The following DPP10 variants were observed in gnomAD, a reference collection of about 807,000 sequenced individuals.
DPP10 encodes inactive dipeptidyl peptidase 10.
DPP10 carries 33 observed loss-of-function variants against 120.9 expected under a neutral mutation model. The observed-to-expected ratio is 0.27, with a 90% CI of 0.21 to 0.37. DPP10 has a LOEUF of 0.37. Ranked by LOEUF, DPP10 falls within the 10% of genes least tolerant of loss-of-function variation. The pLI is 1.00. For synonymous variants in DPP10, 337 were observed against 326.1 expected (o/e 1.03, Z -0.36); for missense variants, 816 against 942.8 (o/e 0.87, Z 1.76).
chr2:114,606,908 T>C (rs779021332), intron 1 of DPP10, among the ~76,000 whole-genome samples: 5 of 152,156 alleles, frequency 3.3e-5, no homozygotes, highest in African/African-American at 4.8e-5. Flanking sequence ...ACTCTATAAA[T>C]TGTGAGAATA....
chr2:114,529,126 C>T (rs547620250), intron 1 of DPP10, among the ~76,000 whole-genome samples: 1 of 152,186 alleles, frequency 6.6e-6, no homozygotes, highest in Non-Finnish European at 1.5e-5. Flanking sequence ...CCCCTACCTG[C>T]CAGGCTTTGG....
chr2:115,144,905 G>A (rs2051138219), intron 1 of DPP10: 2 of 151,996 alleles, frequency 1.3e-5, no homozygotes, highest in African/African-American at 4.8e-5. Context: ...TCCAGAATTT[G>A]CTTGCTTTTG....
At chr2:114,912,544 AC>A (rs1290438138) in intron 1 of DPP10, among the ~76,000 whole-genome samples, 1 of 152,214 alleles carries the variant, frequency 6.6e-6, no homozygotes, top group Non-Finnish European at 1.5e-5. Context: ...AGCTTCTCCC[AC>A]CAAGAGAAAC....
chr2:115,661,419 C>G (rs968193433), intron 5 of DPP10, among the ~76,000 whole-genome samples: 1 of 152,174 alleles, frequency 6.6e-6, no homozygotes, highest in African/African-American at 2.4e-5. Context: ...TGGAATTGAT[C>G]AGTAAGAAAA....
rs116295165 is a variant in DPP10, at chr2:115,303,108, T to G, written c.61-6131T>G. ...TCTTACATTCAATTGACTAAAGTTGTCTTTAGTATAATTACATTTATTTCT... is the reference window on the plus strand; with the variant it reads ...TCTTACATTCAATTGACTAAAGTTGGCTTTAGTATAATTACATTTATTTCT... On this transcript the variant is annotated intron_variant, in intron 1 of 25. Coordinates refer to ENST00000410059, the MANE Select transcript of DPP10 (RefSeq NM_020868.6). 3.7e-3 allele frequency among the ~76,000 whole-genome samples: 565 copies of G among 152,182 alleles called. 4 individuals carry two copies. Among genetic ancestry groups the G allele is most frequent in the African/African-American group, 0.013 (551 of 41,572 alleles).
intron 5 of DPP10, among the ~76,000 whole-genome samples, chr2:115,609,985 T>C (rs543848637): frequency 1.1e-4 from 17 of 152,320 alleles, no homozygotes; most frequent in African/African-American, 3.8e-4. Flanking sequence ...AATTGCAGAA[T>C]ATTCAAACGT....
At chr2:115,259,904 C>T (rs995128645) in intron 1 of DPP10, among the ~76,000 whole-genome samples, 1 of 151,884 alleles carries the variant, frequency 6.6e-6, no homozygotes, top group African/African-American at 2.4e-5. Context: ...TTTGGTCATA[C>T]TTGATTTAGT....
intron 1 of DPP10, among the ~76,000 whole-genome samples, chr2:115,210,387 A>G (rs1379915954): frequency 6.6e-6 from 1 of 152,158 alleles, no homozygotes; most frequent in African/African-American, 2.4e-5. Flanking sequence ...TCCATGGTGT[A>G]TATGTGCCAC....
At chr2:115,286,877 A>G (rs1476987440) in intron 1 of DPP10, among the ~76,000 whole-genome samples, 6 of 151,984 alleles carry the variant, frequency 3.9e-5, no homozygotes, top group Admixed American at 3.9e-4. Flanking sequence ...TTTCCTTGTC[A>G]CATGACACTG....
chr2:114,877,323 G>C (rs899556114), intron 1 of DPP10, among the ~76,000 whole-genome samples: 7 of 152,024 alleles, frequency 4.6e-5, no homozygotes, highest in Admixed American at 2.6e-4. Context: ...TTCATAGTAA[G>C]TAGTTGGCTA....
chr2:115,047,113 G>A (rs919244608), intron 1 of DPP10, among the ~76,000 whole-genome samples: 39 of 151,994 alleles, frequency 2.6e-4, no homozygotes, highest in South Asian at 4.1e-4. Context: ...CAGAAGTGAC[G>A]TTTGTATACA....
intron 5 of DPP10, among the ~76,000 whole-genome samples, chr2:115,594,813 C>A (rs1444308376): frequency 6.6e-6 from 1 of 152,098 alleles, no homozygotes; most frequent in African/African-American, 2.4e-5. Flanking sequence ...AATTTGGTTA[C>A]TTCTGTGGCA....
chr2:115,025,475 A>C (rs1703393669), intron 1 of DPP10, among the ~76,000 whole-genome samples: 1 of 152,120 alleles, frequency 6.6e-6, no homozygotes. Context: ...GACTACAGGT[A>C]TCTCTTTGAT....
At chr2:115,102,990 A>G (rs1362122865) in intron 1 of DPP10, among the ~76,000 whole-genome samples, 1 of 152,154 alleles carries the variant, frequency 6.6e-6, no homozygotes. Context: ...ATCTTCCTAT[A>G]GTTCTTGTTA....
intron 1 of DPP10, among the ~76,000 whole-genome samples, chr2:114,903,784 T>TAAA (rs1397181714): frequency 6.6e-6 from 1 of 152,174 alleles, no homozygotes; most frequent in African/African-American, 2.4e-5. Context: ...TGTAGCCTTA[T>TAAA]AAGGGGAGAA....
rs557799915 is a variant in DPP10, at chr2:114,995,414, G to T, written c.61-313825G>T. On this transcript the variant is annotated intron_variant, in intron 1 of 25. Coordinates refer to ENST00000410059, the MANE Select transcript of DPP10 (RefSeq NM_020868.6). ...ATTGAACCTGTTGAATGCCGTTATT[G>T]TTCCTTTCTCAGAAAAAAAAATGAG... is the stretch of plus-strand genomic sequence containing the variant. Among the ~76,000 whole-genome samples the T allele has an allele frequency of 3.0e-3, 148 of 49,518 alleles. 1 individual carries two copies. The Middle Eastern group carries it at 0.067, about 22-fold the overall frequency. The allele number at this position is 49,518 out of a possible 152,430, so 32.5% of individuals were successfully genotyped here.
chr2:115,722,886 T>C (rs1441603947), intron 7 of DPP10, among the ~76,000 whole-genome samples: 1 of 152,146 alleles, frequency 6.6e-6, no homozygotes, highest in Non-Finnish European at 1.5e-5. Flanking sequence ...AACAGTGTCG[T>C]AAAGGCTGGA....
chr2:114,970,900 T>C (rs1558938475), intron 1 of DPP10, among the ~76,000 whole-genome samples: 1 of 152,154 alleles, frequency 6.6e-6, no homozygotes, highest in Non-Finnish European at 1.5e-5. Flanking sequence ...ACTGGTTTAA[T>C]TAAGTTAGTT....
chr2:115,300,330 C>T lies in DPP10; in HGVS notation c.61-8909C>T, dbSNP rs149811470. Among the ~76,000 whole-genome samples, 296 of 152,154 alleles carry T rather than the reference C, an allele frequency of 1.9e-3. 6 individuals carry two copies. The highest frequency in any genetic ancestry group is 0.014 in the Middle Eastern group (4 of 292). On this transcript the variant is annotated intron_variant, in intron 1 of 25. Transcript: ENST00000410059. ...TAAGTGGAATGATACAGTATTTGTCCGTTTGTGACTGGCTTTATTCCCCTT... is the reference window on the plus strand; with the variant it reads ...TAAGTGGAATGATACAGTATTTGTCTGTTTGTGACTGGCTTTATTCCCCTT...
Sources: allele counts gnomAD v4.1 joint callset (sites outside exome capture counted in the v4.1 genomes callset), GRCh38; gene constraint gnomAD v4.1.1; transcripts MANE v1.5; gene names NCBI Gene and HGNC (gene_info 2026-07-23, HGNC 2026-07-21).